The following RBFOX1 variants were observed in gnomAD, a reference collection of about 807,000 sequenced individuals.
RBFOX1 encodes the protein RNA binding protein fox-1 homolog 1.
In RBFOX1, 8 loss-of-function variants were observed where a neutral mutation model predicts 57.7. That is an observed-to-expected ratio of 0.14 (90% CI 0.08 to 0.25). RBFOX1 has a LOEUF of 0.25. Among genes scored for constraint, RBFOX1 ranks in the 10% least tolerant of loss-of-function variants. RBFOX1 has a pLI of 1.00. For missense variants in RBFOX1, 611 were observed against 548.5 expected, an observed-to-expected ratio of 1.11 and a Z score of -1.14; for synonymous variants, 326 against 222.4, an observed-to-expected ratio of 1.47 and a Z score of -4.15.
intron 3 of RBFOX1, among the ~76,000 whole-genome samples, chr16:6,665,065 T>C (rs1366023683): frequency 6.6e-6 from 1 of 152,160 alleles, no homozygotes; most frequent in African/African-American, 2.4e-5. Flanking sequence ...CAGTTATGAG[T>C]AAAGTGGGAC....
At chr16:6,709,023 C>CT (rs2063283213) in intron 3 of RBFOX1, among the ~76,000 whole-genome samples, 1 of 151,810 alleles carries the variant, frequency 6.6e-6, no homozygotes, top group Admixed American at 6.6e-5. Flanking sequence ...TGCCTCTTTG[C>CT]TAATTACACC....
chr16:6,955,261 G>A (rs76070495), intron 3 of RBFOX1, among the ~76,000 whole-genome samples: 35,372 of 151,368 alleles, frequency 0.23, 4,332 homozygotes, highest in African/African-American at 0.27. Context: ...AAGAAAAAAA[G>A]AAATTTAATC....
intron 3 of RBFOX1, among the ~76,000 whole-genome samples, chr16:5,664,419 G>A (rs2049763755): frequency 6.6e-6 from 1 of 152,230 alleles, no homozygotes; most frequent in Non-Finnish European, 1.5e-5. Flanking sequence ...ACGGTGGTGT[G>A]TGCCTGTAGA....
chr16:6,696,721 C>G (rs750600794), intron 3 of RBFOX1, among the ~76,000 whole-genome samples: 2 of 151,772 alleles, frequency 1.3e-5, no homozygotes, highest in Non-Finnish European at 2.9e-5. Context: ...ACTTCCTTGG[C>G]TTGTTTAACT....
chr16:6,404,196 A>G (rs558681891), intron 2 of RBFOX1, among the ~76,000 whole-genome samples: 2 of 152,340 alleles, frequency 1.3e-5, no homozygotes, highest in South Asian at 4.1e-4. Flanking sequence ...TCACTAAACA[A>G]TACAGTATAA....
intron 3 of RBFOX1, among the ~76,000 whole-genome samples, chr16:6,847,432 C>G (rs1371722272): frequency 6.6e-6 from 1 of 152,004 alleles, no homozygotes; most frequent in Non-Finnish European, 1.5e-5. Context: ...CTGCTTGGTG[C>G]TCTGTCATCA....
intron 4 of RBFOX1, among the ~76,000 whole-genome samples, chr16:7,393,803 C>A (rs1385935872): frequency 2.0e-5 from 3 of 152,200 alleles, no homozygotes; most frequent in African/African-American, 4.8e-5. Flanking sequence ...CCAGGCATCT[C>A]TGGCTAAGGT....
intron 5 of RBFOX1, among the ~76,000 whole-genome samples, chr16:7,546,975 T>G (rs1462254851): frequency 6.6e-6 from 1 of 152,004 alleles, no homozygotes; most frequent in Non-Finnish European, 1.5e-5. Flanking sequence ...CAGATAAAAC[T>G]AAAACAAAAT....
At chr16:6,166,270 T>C (rs1214134181) in intron 1 of RBFOX1, among the ~76,000 whole-genome samples, 1 of 152,072 alleles carries the variant, frequency 6.6e-6, no homozygotes, top group Non-Finnish European at 1.5e-5. Context: ...TTGTTGACTC[T>C]ATGCACATAA....
chr16:6,665,626 CA>C (rs71406390), intron 3 of RBFOX1, among the ~76,000 whole-genome samples: 69 of 101,414 alleles, frequency 6.8e-4, no homozygotes, highest in Admixed American at 1.3e-3. Context: ...ACTCCATCTC[CA>C]AAAAAAAAAA....
intron 5 of RBFOX1, among the ~76,000 whole-genome samples, chr16:7,572,980 T>C (rs1164807780): frequency 6.6e-6 from 1 of 152,070 alleles, no homozygotes; most frequent in East Asian, 1.9e-4. Flanking sequence ...TACATCCTGG[T>C]AGAAAAGATA....
chr16:6,176,881 G>C (rs943793076), intron 1 of RBFOX1, among the ~76,000 whole-genome samples: 6 of 152,112 alleles, frequency 3.9e-5, no homozygotes, highest in Non-Finnish European at 5.9e-5. Flanking sequence ...TGGAGGCTGT[G>C]ATTGCCGTGA....
chr16:6,860,641 T>G (rs1420330866), intron 3 of RBFOX1, among the ~76,000 whole-genome samples: 1 of 152,182 alleles, frequency 6.6e-6, no homozygotes, highest in Non-Finnish European at 1.5e-5. Context: ...CAACCAGACA[T>G]TAATTGTCCA....
At chr16:6,718,087 G>A (rs58431270) in intron 3 of RBFOX1, among the ~76,000 whole-genome samples, 5,438 of 152,216 alleles carry the variant, frequency 0.036, 330 homozygotes, top group African/African-American at 0.12. Flanking sequence ...AGAGCCAGTG[G>A]CTACTTCTTA....
At chr16:5,529,072 C>A (rs560304994) in intron 2 of RBFOX1, among the ~76,000 whole-genome samples, 4 of 152,178 alleles carry the variant, frequency 2.6e-5, no homozygotes, top group Admixed American at 6.5e-5. Flanking sequence ...CTTTCTCTCT[C>A]ATCAGTGTCC....
chr16:6,749,523 G>A (rs1266703653), intron 3 of RBFOX1, among the ~76,000 whole-genome samples: 1 of 152,144 alleles, frequency 6.6e-6, no homozygotes, highest in African/African-American at 2.4e-5. Flanking sequence ...CTGGGGATTT[G>A]AACTAACCTG....
At chr16:7,399,576 T>C (rs2098203350) in intron 4 of RBFOX1, among the ~76,000 whole-genome samples, 1 of 152,250 alleles carries the variant, frequency 6.6e-6, no homozygotes, top group South Asian at 2.1e-4. Context: ...TCTGGTGGTG[T>C]CTGTCAATAC....
At chr16:6,855,235 T>A (rs1388989841) in intron 3 of RBFOX1, among the ~76,000 whole-genome samples, 5 of 151,802 alleles carry the variant, frequency 3.3e-5, no homozygotes, top group Non-Finnish European at 5.9e-5. Context: ...AGTGAACATA[T>A]GCATGAGGAA....
chr16:6,099,631 C>G (rs1344747652), intron 1 of RBFOX1, among the ~76,000 whole-genome samples: 1 of 152,130 alleles, frequency 6.6e-6, no homozygotes, highest in African/African-American at 2.4e-5. Flanking sequence ...AACAAGCTGT[C>G]ACTGAAGTAT....
Sources: gnomAD v4.1 joint callset for allele counts (sites outside exome capture counted in the v4.1 genomes callset) on GRCh38, gnomAD v4.1.1 for gene constraint, MANE v1.5 for transcripts, NCBI Gene and HGNC (gene_info 2026-07-23, HGNC 2026-07-21) for gene names.